FNIP1: variants seen among roughly 807,000 people sequenced by gnomAD.
FNIP1 encodes the protein folliculin interacting protein 1.
A neutral mutation model predicts 124.5 loss-of-function variants in FNIP1; 40 were observed. The ratio of observed to expected loss-of-function variants is 0.32; its 90% CI spans 0.25 to 0.42. FNIP1 has a LOEUF of 0.42. Ranked by LOEUF, FNIP1 falls within the 10% of genes least tolerant of loss-of-function variation. FNIP1 has a pLI of 1.00. For missense variants in FNIP1, 1,176 were observed against 1,403.7 expected (o/e 0.84, Z 2.59); for synonymous variants, 472 against 470.6 (o/e 1.00, Z -0.04).
At chr5:131,746,672 A>G (rs1410351289) in intron 1 of FNIP1, among the ~76,000 whole-genome samples, 1 of 152,144 alleles carries the variant, frequency 6.6e-6, no homozygotes, top group African/African-American at 2.4e-5. Context: ...TATCCAATCC[A>G]CCACTGATGG....
chr5:131,762,201 G>C (rs970623628), intron 1 of FNIP1, among the ~76,000 whole-genome samples: 5 of 152,046 alleles, frequency 3.3e-5, no homozygotes, highest in Non-Finnish European at 2.9e-5. Context: ...ACTAGGCAAA[G>C]ATATTCTGAG....
chr5:131,764,307 CTT>C (rs77846852), intron 1 of FNIP1, among the ~76,000 whole-genome samples: 161 of 136,938 alleles, frequency 1.2e-3, no homozygotes, highest in Non-Finnish European at 1.2e-3. Flanking sequence ...CCTAAAACAC[CTT>C]TTTTTTTTTT....
At chr5:131,653,494 G>A (rs1264927830) in intron 15 of FNIP1, among the ~76,000 whole-genome samples, 3 of 151,428 alleles carry the variant, frequency 2.0e-5, no homozygotes, top group African/African-American at 4.9e-5. Context: ...AGCTGAGATC[G>A]TGCCATTGCA....
chr5:131,663,022 T>C (rs1580735515), intron 15 of FNIP1, among the ~76,000 whole-genome samples: 1 of 152,060 alleles, frequency 6.6e-6, no homozygotes, highest in Non-Finnish European at 1.5e-5. Flanking sequence ...GGATTACAGG[T>C]GTGAGCCACC....
At chr5:131,719,942 T>C (rs966708481) in intron 3 of FNIP1, among the ~76,000 whole-genome samples, 2 of 152,246 alleles carry the variant, frequency 1.3e-5, no homozygotes, top group African/African-American at 4.8e-5. Context: ...ACTATGCCTA[T>C]GAAAATCCTA....
chr5:131,716,191 T>C (rs376477080), intron 6 of FNIP1, among the ~76,000 whole-genome samples: 2 of 152,352 alleles, frequency 1.3e-5, no homozygotes, highest in East Asian at 3.9e-4. Flanking sequence ...TTTATGGTTA[T>C]GGAAGACAGA....
intron 3 of FNIP1, 23 bp from the exon 4 acceptor site, chr5:131,719,440 C>G: frequency 1.9e-6 from 3 of 1,565,704 alleles, no homozygotes; most frequent in Non-Finnish European, 2.6e-6. Flanking sequence ...CACATATTAA[C>G]AAACTGTGTT....
rs528343416 is a variant in FNIP1, at chr5:131,703,970, G to A, written c.1116+95C>T. The A allele has an allele frequency of 1.4e-5, 15 of 1,066,098 alleles. No individual in the cohort carries two copies. In the South Asian group the frequency reaches 1.5e-4, roughly 11 times the overall value. 66.0% of individuals were successfully genotyped at this position (1,066,098 alleles called of 1,614,324 possible). On this transcript the variant is annotated intron_variant, in intron 10 of 17. Coordinates refer to ENST00000510461, the MANE Select transcript of FNIP1 (RefSeq NM_133372.3). ...GCACTTTATAGGACACATGCACAACGTCTGTTAATTTTTCTGCCAAATTAA... is the reference window on the plus strand; with the variant it reads ...GCACTTTATAGGACACATGCACAACATCTGTTAATTTTTCTGCCAAATTAA...
At chr5:131,724,832 A>ATGGTTTTTAGGGTTTTTATGGTTTTTAT (rs1769802820) in intron 3 of FNIP1, among the ~76,000 whole-genome samples, 1 of 152,128 alleles carries the variant, frequency 6.6e-6, no homozygotes, top group Non-Finnish European at 1.5e-5. Context: ...TTATGGTTTT[A>ATGGTTTTTAGGGTTTTTATGGTTTTTAT]GGTCTTACGT....
In FNIP1 at chr5:131,741,693, T is replaced by C. The variant is rs1410118600; in HGVS notation, c.219+2871A>G. Among the ~76,000 whole-genome samples the C allele has an allele frequency of 2.0e-5, 3 of 152,318 alleles. No individual in the cohort carries two copies. The East Asian group carries it at 5.8e-4, about 29-fold the overall frequency. ...CAAAGTGAATTATGATCATCTATAA[T>C]CTTTACAAGGAAAACTGCCATGTGT... On this transcript the variant is annotated intron_variant, in intron 2 of 17. Transcript: ENST00000510461.
chr5:131,713,105 G>A (rs1230087934), intron 6 of FNIP1, among the ~76,000 whole-genome samples: 2 of 151,886 alleles, frequency 1.3e-5, no homozygotes, highest in Non-Finnish European at 2.9e-5. Context: ...CTGGAGTGCA[G>A]TGGCACGATC....
chr5:131,738,639 A>G (rs1561683021), intron 2 of FNIP1, among the ~76,000 whole-genome samples: 2 of 151,908 alleles, frequency 1.3e-5, no homozygotes, highest in Non-Finnish European at 2.9e-5. Flanking sequence ...AGATGAAACT[A>G]CAGGCACGTG....
rs541964209 is a variant in FNIP1 at position 131,740,010 on chromosome 5, A to C, written c.219+4554T>G. ...ACTACCCCCACCCCAAACACACAAA[A>C]ATAAGGATAACATTGTTTCTGTGAT... On this transcript the variant is annotated intron_variant, in intron 2 of 17. Coordinates refer to ENST00000510461, the MANE Select transcript of FNIP1 (RefSeq NM_133372.3). 2.0e-5 allele frequency among the ~76,000 whole-genome samples: 3 copies of C among 152,134 alleles called. No individual in the cohort carries two copies. The South Asian group carries it at 6.2e-4, about 32-fold the overall frequency.
Position 131,733,343 on chromosome 5 carries a change from T to C in FNIP1, c.220-2305A>G, listed in dbSNP as rs1048597042. Among the ~76,000 whole-genome samples, 40 of 152,212 alleles carry C rather than the reference T, an allele frequency of 2.6e-4. 1 individual carries two copies. The highest frequency in any genetic ancestry group is 5.4e-4 in the Non-Finnish European group (37 of 68,028). ...ATTTCTTTCTCCTGCCTGATTGCCCTGGCCACAACTTCCAACACTATGTTG... is the reference window on the plus strand; with the variant it reads ...ATTTCTTTCTCCTGCCTGATTGCCCCGGCCACAACTTCCAACACTATGTTG... On this transcript the variant is annotated intron_variant, in intron 2 of 17. Transcript: ENST00000510461.
At chr5:131,731,098 A>C in intron 2 of FNIP1, 60 bp from the exon 3 acceptor site, 269 of 1,495,764 alleles carry the variant, frequency 1.8e-4, no homozygotes, top group Non-Finnish European at 2.2e-4. Flanking sequence ...TACAAATTTC[A>C]TCAAAGTATA....
chr5:131,677,947 A>C, intron 12 of FNIP1, 75 bp from the exon 13 acceptor site: 1 of 1,482,916 alleles, frequency 6.7e-7, no homozygotes, highest in Non-Finnish European at 9.1e-7. Flanking sequence ...TGAAAAAGTA[A>C]GCAAGGGGAG....
At chr5:131,669,945 C>G (rs31591) in intron 15 of FNIP1, among the ~76,000 whole-genome samples, 2 of 149,856 alleles carry the variant, frequency 1.3e-5, no homozygotes, top group Non-Finnish European at 3.0e-5. Context: ...TTGGGGGCAG[C>G]GGGGACAAAA....
intron 1 of FNIP1, chr5:131,795,823 T>G (rs1191930910): frequency 6.6e-6 from 1 of 152,254 alleles, no homozygotes; most frequent in Non-Finnish European, 1.5e-5. Flanking sequence ...TTTATTTTTT[T>G]GTTTCTACTA....
intron 1 of FNIP1, among the ~76,000 whole-genome samples, chr5:131,769,335 C>A (rs1771548881): frequency 6.6e-6 from 1 of 152,112 alleles, no homozygotes; most frequent in Non-Finnish European, 1.5e-5. Flanking sequence ...AAAATCTTGG[C>A]ATTTAAAATT....
Sources: allele counts gnomAD v4.1 joint callset (sites outside exome capture counted in the v4.1 genomes callset), GRCh38; gene constraint gnomAD v4.1.1; transcripts MANE v1.5; gene names NCBI Gene and HGNC (gene_info 2026-07-23, HGNC 2026-07-21).